CDS1: variants seen among roughly 807,000 people sequenced by gnomAD.
CDS1 encodes the protein CDP-diacylglycerol synthase 1, also known as phosphatidate cytidylyltransferase 1.
CDS1 carries 41 observed loss-of-function variants against 62.1 expected under a neutral mutation model. That is an observed-to-expected ratio of 0.66 (90% CI 0.51 to 0.86). The LOEUF (loss-of-function observed/expected upper bound fraction) is 0.86. CDS1 is among the 40% of genes least tolerant of loss of function. The probability of loss-of-function intolerance (pLI) is 0.00; values close to 1 mark genes in which losing one functional copy is unlikely to be tolerated. For synonymous variants in CDS1, 185 were observed against 192.6 expected (o/e 0.96, Z 0.32); for missense variants, 470 against 550.1 (o/e 0.85, Z 1.46).
In CDS1 at chr4:84,594,246, T is replaced by A. The variant is rs561625448; in HGVS notation, c.118-9997T>A. Among the ~76,000 whole-genome samples, 3 of 152,262 alleles carry A rather than the reference T, an allele frequency of 2.0e-5. No homozygotes were observed. The South Asian group carries it at 6.2e-4, about 32-fold the overall frequency. On this transcript the variant is annotated intron_variant, in intron 1 of 12. Coordinates refer to ENST00000295887, the MANE Select transcript of CDS1 (RefSeq NM_001263.4). ...AGAAGGGTCAGATTTTTGAAGTTTA[T>A]ATAGCACCCTGAGATACTGAACGGA...
In CDS1 at chr4:84,650,206, C is replaced by G. The variant is rs1724690311; in HGVS notation, c.*1520C>G. 1 of 152,170 alleles carries G rather than the reference C, an allele frequency of 6.6e-6. No individual in the cohort carries two copies. Among genetic ancestry groups the G allele is most frequent in the African/African-American group, 2.4e-5 (1 of 41,430 alleles). 9.4% of individuals were successfully genotyped at this position (152,170 alleles called of 1,614,324 possible). Reference sequence around the variant, plus strand: ...GTTCCACTGATGCAGTCAGCCAGCACCTCCTCACATGCACACATGATTAGA... The same window carrying G: ...GTTCCACTGATGCAGTCAGCCAGCAGCTCCTCACATGCACACATGATTAGA... On this transcript the variant is annotated 3_prime_UTR_variant, in exon 13 of 13. Transcript: ENST00000295887.
At chr4:84,634,745 T>A (rs1489945940) in intron 7 of CDS1, among the ~76,000 whole-genome samples, 1 of 152,146 alleles carries the variant, frequency 6.6e-6, no homozygotes, top group African/African-American at 2.4e-5. Context: ...AGACTTTTCA[T>A]TGATGGGGCA....
intron 1 of CDS1, among the ~76,000 whole-genome samples, chr4:84,590,506 GA>G (rs1722561598): frequency 6.6e-6 from 1 of 152,014 alleles, no homozygotes; most frequent in South Asian, 2.1e-4. Context: ...ATTATTTTGA[GA>G]GATACTACCA....
At chr4:84,602,499 T>C (rs1722966970) in intron 1 of CDS1, among the ~76,000 whole-genome samples, 1 of 152,174 alleles carries the variant, frequency 6.6e-6, no homozygotes, top group African/African-American at 2.4e-5. Flanking sequence ...TTAAGTGATT[T>C]GCTGTTTGTC....
chr4:84,597,320 A>G (rs148615652), intron 1 of CDS1, among the ~76,000 whole-genome samples: 155 of 152,294 alleles, frequency 1.0e-3, no homozygotes, highest in Non-Finnish European at 2.8e-4. Context: ...GAGCTGATGA[A>G]TGAGGTAACC....
In CDS1 at chr4:84,650,365, T is replaced by A. The variant is rs1724695935; in HGVS notation, c.*1679T>A. ...TCTAAAATTGATACTGGAAATGTTA[T>A]TATAGGAGGCAGTGATCGCATTTAA... On this transcript the variant is annotated 3_prime_UTR_variant, in exon 13 of 13. Coordinates refer to ENST00000295887, the MANE Select transcript of CDS1 (RefSeq NM_001263.4). 1.3e-5 allele frequency: 2 copies of A among 152,196 alleles called. No individual in the cohort carries two copies. Among genetic ancestry groups the A allele is most frequent in the Non-Finnish European group, 1.5e-5 (1 of 68,040 alleles). The allele number at this position is 152,196 out of a possible 1,614,324, so 9.4% of individuals were successfully genotyped here.
chr4:84,631,247 A>G (rs1724010192), intron 5 of CDS1, among the ~76,000 whole-genome samples: 2 of 152,198 alleles, frequency 1.3e-5, no homozygotes, highest in Non-Finnish European at 1.5e-5. Context: ...TCAGTAAATT[A>G]TTAAAGCCCT....
chr4:84,590,162 A>G (rs997343512), intron 1 of CDS1, among the ~76,000 whole-genome samples: 10 of 152,188 alleles, frequency 6.6e-5, no homozygotes, highest in Middle Eastern at 3.2e-3. Context: ...TAAGGGTCAC[A>G]ATATAACAAT....
In CDS1 at chr4:84,649,892, G is replaced by A. The variant is rs1301793220; in HGVS notation, c.*1206G>A. On this transcript the variant is annotated 3_prime_UTR_variant, in exon 13 of 13. Transcript: ENST00000295887. ...CGAATGCCAAACCTTTCCTTTGGTG[G>A]ACTGGACACTAACCAGATGAGAGTA... 6.6e-6 allele frequency: 1 copy of A among 152,126 alleles called. No individual in the cohort carries two copies. The highest frequency in any genetic ancestry group is 1.5e-5 in the Non-Finnish European group (1 of 68,024). 9.4% of individuals were successfully genotyped at this position (152,126 alleles called of 1,614,324 possible).
chr4:84,584,926 GAATT>G (rs932492848), intron 1 of CDS1, among the ~76,000 whole-genome samples: 1 of 152,106 alleles, frequency 6.6e-6, no homozygotes, highest in Non-Finnish European at 1.5e-5. Flanking sequence ...ACCCAAAATA[GAATT>G]AATTAGGTTG....
intron 5 of CDS1, among the ~76,000 whole-genome samples, chr4:84,619,988 C>T (rs1433638783): frequency 1.4e-5 from 2 of 142,686 alleles, no homozygotes; most frequent in East Asian, 2.1e-4. Context: ...GCTGAGATCA[C>T]GCCATTGCAC....
chr4:84,589,567 C>A (rs1197871615), intron 1 of CDS1, among the ~76,000 whole-genome samples: 1 of 152,176 alleles, frequency 6.6e-6, no homozygotes, highest in Admixed American at 6.5e-5. Flanking sequence ...GTCAGTATTA[C>A]CACCTAAATA....
At chr4:84,622,427 A>G (rs1239198047) in intron 5 of CDS1, among the ~76,000 whole-genome samples, 1 of 152,002 alleles carries the variant, frequency 6.6e-6, no homozygotes, top group Non-Finnish European at 1.5e-5. Context: ...GATCTCTACT[A>G]AAAATACAAA....
chr4:84,618,901 G>C (rs924727643), intron 4 of CDS1, among the ~76,000 whole-genome samples: 1 of 152,134 alleles, frequency 6.6e-6, no homozygotes, highest in Admixed American at 6.6e-5. Context: ...CATTAGAGCT[G>C]TGAGTAGTTA....
Position 84,590,525 on chromosome 4 carries a change from T to A in CDS1, c.117+7007T>A, listed in dbSNP as rs563429804. 3.3e-5 allele frequency among the ~76,000 whole-genome samples: 5 copies of A among 152,364 alleles called. No individual in the cohort carries two copies. In the East Asian group the frequency reaches 9.6e-4, roughly 29 times the overall value. Reference sequence around the variant, plus strand: ...TTTTGAGAGATACTACCATAGAATGTCATCAACTACATCAAGCTTTGGATG... The same window carrying A: ...TTTTGAGAGATACTACCATAGAATGACATCAACTACATCAAGCTTTGGATG... On this transcript the variant is annotated intron_variant, in intron 1 of 12. Coordinates refer to ENST00000295887, the MANE Select transcript of CDS1 (RefSeq NM_001263.4).
At chr4:84,593,170 A>C (rs1430312179) in intron 1 of CDS1, among the ~76,000 whole-genome samples, 1 of 152,188 alleles carries the variant, frequency 6.6e-6, no homozygotes, top group African/African-American at 2.4e-5. Context: ...GTAGAGTTCA[A>C]TGTAGATAGT....
At chr4:84,594,685 T>C (rs1247796814) in intron 1 of CDS1, among the ~76,000 whole-genome samples, 1 of 152,188 alleles carries the variant, frequency 6.6e-6, no homozygotes, top group Non-Finnish European at 1.5e-5. Flanking sequence ...GTTAGTACAA[T>C]GATCATCAGC....
Position 84,640,890 on chromosome 4 carries a change from G to C in CDS1, c.932G>C (p.Arg311Pro). Residue 311 changes from arginine to proline, a missense_variant, in exon 10 of 13, where the codon CGA becomes CCA. Transcript: ENST00000295887. ...YQYFVCPVEY[R>P]SDVNSFVTEC... ...TACTTTGTCTGCCCAGTGGAATACC[G>C]AAGTGATGTAAACTCCTTCGTGACA... 1 of 1,610,982 alleles carries C rather than the reference G, an allele frequency of 6.2e-7. No homozygotes were observed. Among genetic ancestry groups the C allele is most frequent in the Non-Finnish European group, 8.5e-7 (1 of 1,178,788 alleles).
At chr4:84,617,382 C>A (rs1026166171) in intron 3 of CDS1, among the ~76,000 whole-genome samples, 182 bp from the exon 4 acceptor site, 2 of 152,152 alleles carry the variant, frequency 1.3e-5, no homozygotes, top group Admixed American at 6.5e-5. Context: ...ATTTTGCCTA[C>A]CCCTTTGAGT....
Sources: allele counts gnomAD v4.1 joint callset (sites outside exome capture counted in the v4.1 genomes callset), GRCh38; gene constraint gnomAD v4.1.1; transcripts MANE v1.5; gene names NCBI Gene and HGNC (gene_info 2026-07-23, HGNC 2026-07-21).